Variants in MSH6 observed in about 807,000 individuals in gnomAD.
MSH6 encodes DNA mismatch repair protein Msh6.
A neutral mutation model predicts 119.1 loss-of-function variants in MSH6; 85 were observed. The observed-to-expected ratio is 0.71, with a 90% CI of 0.60 to 0.85. The LOEUF is 0.85. MSH6 is among the 40% of genes least tolerant of loss of function. MSH6 has a pLI of 0.00. For missense variants in MSH6, 2,163 were observed against 1,655.3 expected (o/e 1.31, Z -5.32); for synonymous variants, 830 against 586.9 (o/e 1.41, Z -5.99).
intron 1 of MSH6, chr2:47,789,493 T>G (rs2104067608): frequency 2.2e-6 from 1 of 446,012 alleles, no homozygotes; most frequent in East Asian, 6.9e-5. Flanking sequence ...AGAAATGAAA[T>G]AATTCTTTTC....
intron 1 of MSH6, chr2:47,784,241 A>G (rs1428272838): frequency 5.0e-6 from 5 of 1,000,120 alleles, no homozygotes; most frequent in Non-Finnish European, 6.0e-6. Context: ...GTCCTTCGGT[A>G]GGTAGGCTGC....
Position 47,800,408 on chromosome 2 carries a change from G to T in MSH6, c.2425G>T (p.Val809Leu), listed in dbSNP as rs1446543957. The change falls in exon 4 of 10, where the codon GTA becomes TTA. Residue 809 changes from valine to leucine, a missense_variant. Coordinates refer to ENST00000234420, the MANE Select transcript of MSH6 (RefSeq NM_000179.3). ...MVVPDKISEV[V>L]ELLKKLPDLE... ...TGTGCCTGACAAAATCTCCGAAGTT[G>T]TAGAGCTTCTAAAGAAGCTTCCAGA... The T allele has an allele frequency of 6.2e-7, 1 of 1,614,114 alleles. No homozygotes were observed. The highest frequency in any genetic ancestry group is 8.5e-7 in the Non-Finnish European group (1 of 1,180,038).
chr2:47,788,907 C>CT (rs1558650117), intron 1 of MSH6, among the ~76,000 whole-genome samples: 3 of 17,296 alleles, frequency 1.7e-4, no homozygotes, highest in Admixed American at 9.8e-4. Context: ...TTTCTTCTTC[C>CT]TTTTTTTTTT....
rs879111473 is a variant in MSH6, at chr2:47,800,692, T to C, written c.2709T>C (p.Pro903=). Residue 903 remains proline, a synonymous_variant, in exon 4 of 10, where the codon CCT becomes CCC. Transcript: ENST00000234420. ...CAAAAAATCCTGAAGGTCGTTTTCC[T>C]GATTTGACTGTAGAATTGAACCGAT... ...LQTKNPEGRF[P]DLTVELNRWD... 1.2e-6 allele frequency: 2 copies of C among 1,614,214 alleles called. No homozygotes were observed. Among genetic ancestry groups the C allele is most frequent in the South Asian group, 2.2e-5 (2 of 91,086 alleles).
intron 1 of MSH6, among the ~76,000 whole-genome samples, chr2:47,787,632 G>T (rs1310527304): frequency 3.3e-5 from 5 of 152,058 alleles, no homozygotes; most frequent in African/African-American, 1.2e-4. Context: ...AGGAGCAATG[G>T]TGGCAGGCAG....
chr2:47,794,716 G>T (rs1668962725), intron 2 of MSH6, among the ~76,000 whole-genome samples: 1 of 152,154 alleles, frequency 6.6e-6, no homozygotes, highest in Non-Finnish European at 1.5e-5. Flanking sequence ...AGATATATCT[G>T]ATCTAGTTGT....
At chr2:47,796,810 A>T (rs1478728521) in intron 3 of MSH6, among the ~76,000 whole-genome samples, 1 of 152,028 alleles carries the variant, frequency 6.6e-6, no homozygotes, top group Non-Finnish European at 1.5e-5. Context: ...AAAATACAAA[A>T]ATTAGCTGGG....
At chr2:47,793,149 C>G (rs1360857657) in intron 2 of MSH6, among the ~76,000 whole-genome samples, 1 of 150,830 alleles carries the variant, frequency 6.6e-6, no homozygotes, top group Non-Finnish European at 1.5e-5. Flanking sequence ...GGTGAAATCC[C>G]GTCTCTACTA....
At chr2:47,809,924 A>G (rs752815981), downstream of MSH6, 9 of 537,590 alleles carry the variant, frequency 1.7e-5, no homozygotes, top group Non-Finnish European at 2.0e-5. Context: ...GCACCAACCT[A>G]ACTGTCTTAA....
At chr2:47,801,783 T>A (rs943101407) in intron 4 of MSH6, among the ~76,000 whole-genome samples, 14 of 151,980 alleles carry the variant, frequency 9.2e-5, no homozygotes, top group African/African-American at 2.9e-4. Flanking sequence ...GATTTACAGG[T>A]AAGCACCGGC....
chr2:47,796,106 A>G, intron 3 of MSH6, 43 bp downstream of exon 3: 1 of 1,600,546 alleles, frequency 6.2e-7, no homozygotes, highest in Non-Finnish European at 8.6e-7. Context: ...TGTTAGGGTG[A>G]TGGGGGAAGA....
Position 47,785,408 on chromosome 2 carries a change from A to C in MSH6, c.260+1915A>C, listed in dbSNP as rs1668292574. Among the ~76,000 whole-genome samples the C allele has an allele frequency of 2.0e-5, 3 of 149,752 alleles. No individual in the cohort carries two copies. In the South Asian group the frequency reaches 6.4e-4, roughly 32 times the overall value. ...CGGTCCGGCTGATTTTTCACCATGG[A>C]GTTTCACCATGTTGGCCAGGCTGGT... On this transcript the variant is annotated intron_variant, in intron 1 of 9. Coordinates refer to ENST00000234420, the MANE Select transcript of MSH6 (RefSeq NM_000179.3).
intron 1 of MSH6, 34 bp downstream of exon 1, chr2:47,783,527 C>T (rs776834311): frequency 9.3e-6 from 13 of 1,399,084 alleles, no homozygotes; most frequent in Non-Finnish European, 1.2e-5. Context: ...AAGGCGGGGG[C>T]ATAGCGGCGG....
At chr2:47,796,706 A>G (rs997237394) in intron 3 of MSH6, among the ~76,000 whole-genome samples, 2 of 152,240 alleles carry the variant, frequency 1.3e-5, no homozygotes, top group Non-Finnish European at 2.9e-5. Context: ...AATGCCTATA[A>G]TCCCAGCACT....
At chr2:47,784,238 G>C (rs1178669549) in intron 1 of MSH6, 3 of 1,000,770 alleles carry the variant, frequency 3.0e-6, no homozygotes, top group Non-Finnish European at 3.6e-6. Flanking sequence ...TGGGTCCTTC[G>C]GTAGGTAGGC....
At position 47,806,336 on chromosome 2, in the gene MSH6, T is replaced by A. The variant is rs1212740618; in HGVS notation, c.3779T>A (p.Val1260Asp). ...TTAGTAGAAGATTATTCTCAAAATG[T>A]TGCTGTGCGCCTAGGACATATGGTA... is the stretch of plus-strand genomic sequence containing the variant. Reference protein sequence around the residue: ...HSLVEDYSQNVAVRLGHMACM... With the variant: ...HSLVEDYSQNDAVRLGHMACM... Residue 1260 changes from valine to aspartate, a missense_variant, in exon 8 of 10, where the codon GTT becomes GAT. Transcript: ENST00000234420. 1 of 1,614,194 alleles carries A rather than the reference T, an allele frequency of 6.2e-7. No homozygotes were observed.
chr2:47,788,207 T>G (rs375513256), intron 1 of MSH6, among the ~76,000 whole-genome samples: 1 of 151,788 alleles, frequency 6.6e-6, no homozygotes, highest in East Asian at 1.9e-4. Flanking sequence ...CTTAGCATTT[T>G]ATAGCTTACT....
Position 47,783,348 on chromosome 2 carries a change from G to A in MSH6, c.115G>A (p.Gly39Arg), listed in dbSNP as rs751838296. The change falls in exon 1 of 10, where the codon GGG (glycine) becomes AGG (arginine). Residue 39 changes from glycine (G) to arginine (R), a missense_variant. Physicochemically the swap from Gly to Arg is moderately radical, Grantham distance 125 (BLOSUM62 -2). Transcript: ENST00000234420. ...AGGCGGCCGTGCCGCCGCTGCCCCC[G>A]GGGCCTCTCCTTCCCCAGGCGGGGA... ...REGGRAAAAPGASPSPGGDAA... is the reference protein window; with the variant it reads ...REGGRAAAAPRASPSPGGDAA... 2.5e-6 allele frequency: 4 copies of A among 1,609,350 alleles called. No individual in the cohort carries two copies. Among genetic ancestry groups the A allele is most frequent in the Admixed American group, 3.4e-5 (2 of 59,658 alleles).
At chr2:47,783,744 C>T in intron 1 of MSH6, 3 of 375,274 alleles carry the variant, frequency 8.0e-6, no homozygotes, top group Non-Finnish European at 1.3e-5. Context: ...GCGGAGAGTT[C>T]GGGCCTTTTG....
Sources: allele counts gnomAD v4.1 joint callset (sites outside exome capture counted in the v4.1 genomes callset), GRCh38; gene constraint gnomAD v4.1.1; transcripts MANE v1.5; gene names NCBI Gene and HGNC (gene_info 2026-07-23, HGNC 2026-07-21).